The following EIF3E variants were observed in gnomAD, a reference collection of about 807,000 sequenced individuals.
EIF3E encodes the protein eukaryotic translation initiation factor 3 subunit E.
EIF3E carries 25 observed loss-of-function variants against 59.3 expected under a neutral mutation model. That is an observed-to-expected ratio of 0.42 (90% CI 0.31 to 0.59). The LOEUF (loss-of-function observed/expected upper bound fraction) is 0.59. Among genes scored for constraint, EIF3E ranks in the 20% least tolerant of loss-of-function variants. The pLI is 0.15. For missense variants in EIF3E, 317 were observed against 534.3 expected, an observed-to-expected ratio of 0.59 and a Z score of 4.01; for synonymous variants, 176 against 170.2, an observed-to-expected ratio of 1.03 and a Z score of -0.26.
intron 7 of EIF3E, among the ~76,000 whole-genome samples, chr8:108,223,276 G>C (rs1815454439): frequency 6.6e-6 from 1 of 152,156 alleles, no homozygotes; most frequent in South Asian, 2.1e-4. Context: ...AACAAAAAGG[G>C]AAGTGCATTT....
chr8:108,229,613 G>A (rs1331944088), intron 5 of EIF3E, among the ~76,000 whole-genome samples: 1 of 152,106 alleles, frequency 6.6e-6, no homozygotes, highest in Non-Finnish European at 1.5e-5. Context: ...AATGTAATGA[G>A]AAATTATGTA....
At chr8:108,223,132 T>C (rs1815450959) in intron 7 of EIF3E, among the ~76,000 whole-genome samples, 1 of 152,234 alleles carries the variant, frequency 6.6e-6, no homozygotes, top group African/African-American at 2.4e-5. Flanking sequence ...GAAGCTATTA[T>C]AAGTTTTGTT....
intron 11 of EIF3E, 41 bp downstream of exon 11, chr8:108,203,360 C>T: frequency 6.5e-7 from 1 of 1,543,118 alleles, no homozygotes; most frequent in Non-Finnish European, 8.9e-7. Flanking sequence ...AAAGTATAAT[C>T]AGGAACTGAT....
At chr8:108,219,005 C>T (rs775052594) in intron 7 of EIF3E, among the ~76,000 whole-genome samples, 3 of 151,892 alleles carry the variant, frequency 2.0e-5, no homozygotes, top group Non-Finnish European at 4.4e-5. Context: ...AGGCTGGTCT[C>T]GAACTGCTGA....
At chr8:108,244,936 T>C (rs1328629488) in intron 1 of EIF3E, among the ~76,000 whole-genome samples, 10 of 151,866 alleles carry the variant, frequency 6.6e-5, no homozygotes, top group Non-Finnish European at 1.5e-5. Flanking sequence ...TACCCCTAAA[T>C]ATGTCTATAC....
chr8:108,202,355 T>TG (rs1815010750), intron 12 of EIF3E, among the ~76,000 whole-genome samples: 2 of 152,160 alleles, frequency 1.3e-5, no homozygotes, highest in South Asian at 2.1e-4. Flanking sequence ...TTCAATCAAA[T>TG]GGGGTCTCTG....
chr8:108,216,883 T>C (rs1050988109), intron 8 of EIF3E, among the ~76,000 whole-genome samples: 5 of 152,158 alleles, frequency 3.3e-5, no homozygotes, highest in African/African-American at 1.2e-4. Context: ...AATATTTAAG[T>C]TATATTTCTA....
At chr8:108,211,434 T>G (rs940919625) in intron 10 of EIF3E, among the ~76,000 whole-genome samples, 2 of 152,220 alleles carry the variant, frequency 1.3e-5, no homozygotes, top group African/African-American at 4.8e-5. Flanking sequence ...GCCCACTTTT[T>G]GATGGGGTTG....
intron 5 of EIF3E, among the ~76,000 whole-genome samples, chr8:108,230,422 C>T (rs1024028989): frequency 6.6e-6 from 1 of 152,028 alleles, no homozygotes; most frequent in Non-Finnish European, 1.5e-5. Flanking sequence ...TGAAAATCAT[C>T]GCAGAGATAG....
intron 3 of EIF3E, among the ~76,000 whole-genome samples, chr8:108,237,967 CTTTCA>C (rs1310042248): frequency 6.6e-6 from 1 of 151,834 alleles, no homozygotes; most frequent in Non-Finnish European, 1.5e-5. Context: ...ACACATGATC[CTTTCA>C]TTTATCTCAA....
At chr8:108,248,093 C>G (rs1299589171) in intron 1 of EIF3E, among the ~76,000 whole-genome samples, 2 of 151,766 alleles carry the variant, frequency 1.3e-5, no homozygotes, top group Non-Finnish European at 2.9e-5. Flanking sequence ...TCCTACTTAA[C>G]CAAGACAAGA....
At chr8:108,212,271 A>C (rs427145) in intron 10 of EIF3E, among the ~76,000 whole-genome samples, 1 of 152,054 alleles carries the variant, frequency 6.6e-6, no homozygotes, top group East Asian at 1.9e-4. Context: ...ATATGATATT[A>C]CATTTGAAAA....
At chr8:108,223,763 A>C (rs905236468) in intron 7 of EIF3E, among the ~76,000 whole-genome samples, 5 of 146,654 alleles carry the variant, frequency 3.4e-5, no homozygotes, top group African/African-American at 1.1e-4. Flanking sequence ...TAAAAGTTCA[A>C]CACTTTTCAA....
intron 11 of EIF3E, 69 bp from the exon 12 acceptor site, chr8:108,203,186 A>C (rs1815026847): frequency 1.9e-6 from 3 of 1,546,640 alleles, no homozygotes; most frequent in Non-Finnish European, 2.6e-6. Context: ...AGTAAAAAGC[A>C]TGACATACCT....
chr8:108,247,923 ATCTT>A (rs1563640355), intron 1 of EIF3E, among the ~76,000 whole-genome samples: 11 of 151,376 alleles, frequency 7.3e-5, no homozygotes, highest in Admixed American at 1.3e-4. Context: ...TATTCATGAT[ATCTT>A]GAGTAGATAA....
intron 4 of EIF3E, among the ~76,000 whole-genome samples, chr8:108,235,361 G>T (rs940782069): frequency 1.2e-4 from 19 of 152,188 alleles, no homozygotes; most frequent in Non-Finnish European, 5.9e-5. Context: ...GTTTCAGGAT[G>T]AACTGTTCCA....
In EIF3E at chr8:108,206,596, A is replaced by G. The variant is rs541065759; in HGVS notation, c.1062-3093T>C. ...AGCAAGATTCTGTGCACATGTGCACACACACACACACACACACACACTGGC... is the reference window on the plus strand; with the variant it reads ...AGCAAGATTCTGTGCACATGTGCACGCACACACACACACACACACACTGGC... On this transcript the variant is annotated intron_variant, in intron 10 of 12. Coordinates refer to ENST00000220849, the MANE Select transcript of EIF3E (RefSeq NM_001568.3). Among the ~76,000 whole-genome samples, 29 of 138,880 alleles carry G rather than the reference A, an allele frequency of 2.1e-4. No individual in the cohort carries two copies. In the Middle Eastern group the frequency reaches 0.011, roughly 51 times the overall value. 91.1% of individuals were successfully genotyped at this position (138,880 alleles called of 152,430 possible).
At chr8:108,214,793 C>T in intron 9 of EIF3E, 77 bp from the exon 10 acceptor site, 1 of 1,249,932 alleles carries the variant, frequency 8.0e-7, no homozygotes, top group Non-Finnish European at 1.1e-6. Flanking sequence ...ACTTTATCTG[C>T]TTTATTTTTC....
intron 7 of EIF3E, among the ~76,000 whole-genome samples, chr8:108,219,254 T>C (rs1815361248): frequency 6.6e-6 from 1 of 152,230 alleles, no homozygotes; most frequent in African/African-American, 2.4e-5. Flanking sequence ...TTATTTTTAC[T>C]GGAGGATTAC....
Sources: allele counts gnomAD v4.1 joint callset (sites outside exome capture counted in the v4.1 genomes callset), GRCh38; gene constraint gnomAD v4.1.1; transcripts MANE v1.5; gene names NCBI Gene and HGNC (gene_info 2026-07-23, HGNC 2026-07-21).